CAB39: variants seen among roughly 807,000 people sequenced by gnomAD.
CAB39 encodes the protein calcium-binding protein 39.
In CAB39, 8 loss-of-function variants were observed where a neutral mutation model predicts 40.0. The observed-to-expected ratio is 0.20, with a 90% CI of 0.12 to 0.36. The LOEUF is 0.36. CAB39 is among the 10% of genes least tolerant of loss of function. CAB39 has a pLI of 1.00. For missense variants in CAB39, 270 were observed against 401.1 expected (o/e 0.67, Z 2.79); for synonymous variants, 156 against 141.6 (o/e 1.10, Z -0.72).
rs750532832 is a variant in CAB39 at position 230,791,048 on chromosome 2, A to G, written c.279+12A>G. The stretch of plus-strand genomic sequence containing the variant: ...TCATTGACTTTGAGGTAAGAAATCA[A>G]TTTCTTATTTTTAAAAAACAGTACC... On this transcript the variant is annotated intron_variant, in intron 3 of 8. Transcript: ENST00000258418. 56 of 1,562,708 alleles carry G rather than the reference A, an allele frequency of 3.6e-5. 1 individual carries two copies. The highest frequency in any genetic ancestry group is 2.5e-4 in the East Asian group (11 of 44,410).
intron 1 of CAB39, among the ~76,000 whole-genome samples, chr2:230,753,064 A>AG (rs563024915): frequency 3.5e-4 from 54 of 152,194 alleles, no homozygotes; most frequent in Non-Finnish European, 7.1e-4. Context: ...GGAACCTTGA[A>AG]GGACATCAAC....
At chr2:230,802,122 C>T (rs114151617) in intron 5 of CAB39, among the ~76,000 whole-genome samples, 2,974 of 152,216 alleles carry the variant, frequency 0.02, 90 homozygotes, top group African/African-American at 0.068. Flanking sequence ...CTCAAAACCA[C>T]ACAACTACAT....
In CAB39 at chr2:230,732,167, C is replaced by T. The variant is rs112227428; in HGVS notation, c.-44+18937C>T. Among the ~76,000 whole-genome samples, 736 of 152,020 alleles carry T rather than the reference C, an allele frequency of 4.8e-3. 5 individuals carry two copies. Among genetic ancestry groups the T allele is most frequent in the African/African-American group, 0.017 (686 of 41,466 alleles). ...CGCTATCTTGGCTCACTGCAAGCTC[C>T]GCCTCCCGGGTCCACGCCATTCTCC... On this transcript the variant is annotated intron_variant, in intron 1 of 8. Transcript: ENST00000258418.
chr2:230,754,162 T>C (rs990683106), intron 1 of CAB39, among the ~76,000 whole-genome samples: 8 of 152,252 alleles, frequency 5.3e-5, no homozygotes, highest in African/African-American at 1.9e-4. Flanking sequence ...ATTTTAAAAT[T>C]TTTTTCCCAT....
intron 1 of CAB39, chr2:230,725,245 C>G (rs1694542735): frequency 1.3e-6 from 2 of 1,589,384 alleles, no homozygotes; most frequent in African/African-American, 2.7e-5. Flanking sequence ...CTTCATCTTT[C>G]TTTAGCACCA....
intron 4 of CAB39, among the ~76,000 whole-genome samples, chr2:230,797,976 T>A (rs1024143961): frequency 6.6e-6 from 1 of 152,050 alleles, no homozygotes; most frequent in Non-Finnish European, 1.5e-5. Flanking sequence ...GCGATGTGTT[T>A]GAGGGGGCGG....
In CAB39 at chr2:230,801,166, CAAAATT is replaced by C. The variant is rs1299387399; in HGVS notation, c.567+2272_567+2277del. Among the ~76,000 whole-genome samples, 4 of 152,238 alleles carry C rather than the reference CAAAATT, an allele frequency of 2.6e-5. No homozygotes were observed. In the South Asian group the frequency reaches 8.3e-4, roughly 32 times the overall value. ...CCCCAAAAGAGGGTTCTCCAAGAAA[CAAAATT>C]AAGCAGAGTCTACAGCCAAGACAAC... is the stretch of plus-strand genomic sequence containing the variant. On this transcript the variant is annotated intron_variant, in intron 5 of 8. Coordinates refer to ENST00000258418, the MANE Select transcript of CAB39 (RefSeq NM_016289.4).
chr2:230,799,205 GT>G (rs3217449), intron 5 of CAB39: 74,920 of 230,704 alleles, frequency 0.32, 16,690 homozygotes, highest in African/African-American at 0.71. Context: ...TTTCTCCTGT[GT>G]TTGAAACATT....
At chr2:230,782,813 C>CTTTCTTT (rs1286339069) in intron 2 of CAB39, among the ~76,000 whole-genome samples, 5 of 81,760 alleles carry the variant, frequency 6.1e-5, no homozygotes, top group Non-Finnish European at 1.2e-4. Flanking sequence ...TTCTTTCTTT[C>CTTTCTTT]TTTTTTTTTT....
At chr2:230,804,711 C>T (rs1209267792) in intron 5 of CAB39, among the ~76,000 whole-genome samples, 3 of 152,172 alleles carry the variant, frequency 2.0e-5, no homozygotes, top group South Asian at 4.1e-4. Flanking sequence ...CATCTCACAC[C>T]AGTTAGAATG....
intron 6 of CAB39, 153 bp from the exon 7 acceptor site, chr2:230,813,896 T>C (rs545969874): frequency 2.7e-5 from 14 of 526,516 alleles, no homozygotes; most frequent in Admixed American, 4.1e-5. Flanking sequence ...TGAAAGAGAG[T>C]GGCAGGGGAG....
At chr2:230,758,852 G>C (rs1559600493) in intron 1 of CAB39, among the ~76,000 whole-genome samples, 1 of 152,146 alleles carries the variant, frequency 6.6e-6, no homozygotes, top group Non-Finnish European at 1.5e-5. Context: ...GTGTCTGATA[G>C]GAGACTGTTT....
rs1408052300 is a variant in CAB39, at chr2:230,782,809, C to CTTTTTT, written c.115-8060_115-8059insTTTTTT. Among the ~76,000 whole-genome samples the CTTTTTT allele has an allele frequency of 3.2e-3, 361 of 112,294 alleles. 16 individuals carry two copies. The highest frequency in any genetic ancestry group is 0.014 in the African/African-American group (302 of 20,942). The allele number at this position is 112,294 out of a possible 152,430, so 73.7% of individuals were successfully genotyped here. On this transcript the variant is annotated intron_variant, in intron 2 of 8. Transcript: ENST00000258418. ...CTGCTGTTTCTTTCTTTCTTTCTTT[C>CTTTTTT]TTTCTTTTTTTTTTTTTTTTTTTGA... is the stretch of plus-strand genomic sequence containing the variant.
chr2:230,811,140 ACTC>A (rs1433065894), intron 6 of CAB39, among the ~76,000 whole-genome samples: 1 of 151,224 alleles, frequency 6.6e-6, no homozygotes, highest in Non-Finnish European at 1.5e-5. Context: ...TCCACTTAAA[ACTC>A]CTGTCTATCC....
At chr2:230,813,980 T>TTTTTTTTTA (rs1696352195) in intron 6 of CAB39, 69 bp from the exon 7 acceptor site, 1 of 159,522 alleles carries the variant, frequency 6.3e-6, no homozygotes, top group Non-Finnish European at 1.1e-5. Context: ...CTACCAGTCT[T>TTTTTTTTTA]TTTTTTTTTT....
chr2:230,813,555 T>C (rs1175485923), intron 6 of CAB39, among the ~76,000 whole-genome samples: 1 of 152,228 alleles, frequency 6.6e-6, no homozygotes, highest in African/African-American at 2.4e-5. Flanking sequence ...TATTCCGAAT[T>C]ACTTTTTCTC....
At chr2:230,797,897 A>G (rs1425528856) in intron 4 of CAB39, among the ~76,000 whole-genome samples, 1 of 152,228 alleles carries the variant, frequency 6.6e-6, no homozygotes, top group African/African-American at 2.4e-5. Context: ...GGGAAATGGA[A>G]TATGACTAGA....
chr2:230,803,250 G>A (rs1275066322), intron 5 of CAB39, among the ~76,000 whole-genome samples: 2 of 152,110 alleles, frequency 1.3e-5, no homozygotes, highest in African/African-American at 2.4e-5. Flanking sequence ...TTGATGGAAC[G>A]TATCTCAAAA....
intron 4 of CAB39, among the ~76,000 whole-genome samples, 171 bp from the exon 5 acceptor site, chr2:230,798,558 C>T (rs1305485244): frequency 6.6e-6 from 1 of 152,210 alleles, no homozygotes. Context: ...GTCAGTTTAC[C>T]TGAGCACATG....
Sources: allele counts gnomAD v4.1 joint callset (sites outside exome capture counted in the v4.1 genomes callset), GRCh38; gene constraint gnomAD v4.1.1; transcripts MANE v1.5; gene names NCBI Gene and HGNC (gene_info 2026-07-23, HGNC 2026-07-21).